The following CRB1 variants were observed in gnomAD, a reference collection of about 807,000 sequenced individuals.
CRB1 encodes protein crumbs homolog 1.
A neutral mutation model predicts 120.0 loss-of-function variants in CRB1; 83 were observed. That is an observed-to-expected ratio of 0.69 (90% confidence interval 0.58 to 0.83). The LOEUF (loss-of-function observed/expected upper bound fraction) is 0.83. CRB1 is among the 40% of genes least tolerant of loss of function. CRB1 has a pLI of 0.00. For missense variants in CRB1, 1,699 were observed against 1,687.6 expected (o/e 1.01, Z -0.12); for synonymous variants, 625 against 612.5 (o/e 1.02, Z -0.30).
chr1:197,421,580 C>A lies in CRB1; in HGVS notation c.1752C>A (p.Asp584Glu). ...AGGCTGTGACCCTTACCTTAATCGA[C>A]GACTCCTGTAAGGAGAAATGCATCG... ...FAEAVTLTLI[D>E]DSCKEKCIAK... Residue 584 changes from aspartate to glutamate, a missense_variant, in exon 6 of 12, where the codon GAC becomes GAA. Physicochemically the swap from Asp to Glu is conservative, Grantham distance 45. Coordinates refer to ENST00000367400, the MANE Select transcript of CRB1 (RefSeq NM_201253.3). 6.2e-7 allele frequency: 1 copy of A among 1,614,174 alleles called. No individual in the cohort carries two copies. Among genetic ancestry groups the A allele is most frequent in the Non-Finnish European group, 8.5e-7 (1 of 1,180,034 alleles).
chr1:197,351,713 G>A (rs1363178727), intron 4 of CRB1, among the ~76,000 whole-genome samples: 1 of 152,154 alleles, frequency 6.6e-6, no homozygotes, highest in Non-Finnish European at 1.5e-5. Flanking sequence ...GACAACAGTG[G>A]TTAAGGTTGG....
chr1:197,262,681 C>G, the CRB1 span, among the ~76,000 whole-genome samples: 52,884 of 151,880 alleles, frequency 0.35, 11,588 homozygotes, highest in East Asian at 0.76. Flanking sequence ...CCCTTCACCC[C>G]CTTCTTCTTA....
intron 5 of CRB1, among the ~76,000 whole-genome samples, chr1:197,399,683 T>G (rs1005902072): frequency 6.6e-6 from 1 of 152,156 alleles, no homozygotes; most frequent in Non-Finnish European, 1.5e-5. Context: ...TGCTTCAGAG[T>G]CTCTCACATG....
At position 197,429,617 on chromosome 1, in the gene CRB1, A is replaced by G; in HGVS notation, c.2842+3A>G. ...GCCGGTGCTTCAAGGATTTGAATGT[A>G]GGTAGAGTTCAAACCTACCATCTCA... On this transcript the variant is annotated splice_donor_region_variant and intron_variant, in intron 8 of 11. Coordinates refer to ENST00000367400, the MANE Select transcript of CRB1 (RefSeq NM_201253.3). 6.2e-7 allele frequency: 1 copy of G among 1,613,820 alleles called. No homozygotes were observed. Among genetic ancestry groups the G allele is most frequent in the Non-Finnish European group, 8.5e-7 (1 of 1,179,810 alleles).
the CRB1 span, among the ~76,000 whole-genome samples, chr1:197,201,510 C>T: frequency 6.6e-6 from 1 of 152,198 alleles, no homozygotes; most frequent in Non-Finnish European, 1.5e-5. Flanking sequence ...CCCCGTACTC[C>T]CTCGGAGACC....
chr1:197,250,877 C>T, the CRB1 span, among the ~76,000 whole-genome samples: 1 of 151,938 alleles, frequency 6.6e-6, no homozygotes, highest in Non-Finnish European at 1.5e-5. Context: ...CCTTGTGTCT[C>T]CTGGAAGAGC....
intron 11 of CRB1, among the ~76,000 whole-genome samples, chr1:197,470,083 G>A (rs1423669529): frequency 2.6e-5 from 4 of 152,184 alleles, no homozygotes; most frequent in Non-Finnish European, 5.9e-5. Context: ...TGTTGATAAA[G>A]TCAATAGCTC....
At chr1:197,448,688 G>C (rs1460293919) in intron 11 of CRB1, among the ~76,000 whole-genome samples, 1 of 152,094 alleles carries the variant, frequency 6.6e-6, no homozygotes, top group African/African-American at 2.4e-5. Flanking sequence ...ATCTTGTATA[G>C]ACTCTTCTAG....
chr1:197,279,976 C>G (rs934820607), intron 1 of CRB1, among the ~76,000 whole-genome samples: 9 of 151,598 alleles, frequency 5.9e-5, no homozygotes, highest in African/African-American at 2.2e-4. Context: ...TAATTGAAAC[C>G]TTGTGATGAA....
Position 197,445,735 on chromosome 1 carries a change from G to A in CRB1, c.4005+3443G>A, listed in dbSNP as rs79868186. Among the ~76,000 whole-genome samples the A allele has an allele frequency of 7.9e-3, 1,207 of 152,320 alleles. 11 individuals are homozygous for A. Among genetic ancestry groups the A allele is most frequent in the Non-Finnish European group, 0.013 (911 of 68,028 alleles). On this transcript the variant is annotated intron_variant, in intron 11 of 11. Transcript: ENST00000367400. ...GAAGAAATCTGTTTCTCAACTGCCA[G>A]TATTATTACTAATATAAACTATTTT...
intron 5 of CRB1, among the ~76,000 whole-genome samples, chr1:197,383,076 C>T (rs1253635361): frequency 1.3e-5 from 2 of 152,124 alleles, no homozygotes; most frequent in South Asian, 2.1e-4. Context: ...GACTTCTGTT[C>T]GAGAATCACT....
At chr1:197,370,933 G>A (rs1661337123) in intron 5 of CRB1, among the ~76,000 whole-genome samples, 1 of 152,110 alleles carries the variant, frequency 6.6e-6, no homozygotes, top group African/African-American at 2.4e-5. Flanking sequence ...TGACTGCCAT[G>A]CCACACACAC....
rs182008649 is a variant in CRB1, at chr1:197,445,145, A to G, written c.4005+2853A>G. 5.9e-5 allele frequency among the ~76,000 whole-genome samples: 9 copies of G among 152,292 alleles called. No individual in the cohort carries two copies. In the East Asian group the frequency reaches 1.7e-3, roughly 29 times the overall value. The stretch of plus-strand genomic sequence containing the variant: ...GCTAGCCATAGTTCAACCTGGTTCT[A>G]AAGAGGGGCTGTTTTACCTAAATGA... On this transcript the variant is annotated intron_variant, in intron 11 of 11. Coordinates refer to ENST00000367400, the MANE Select transcript of CRB1 (RefSeq NM_201253.3).
chr1:197,206,887 G>A, the CRB1 span, among the ~76,000 whole-genome samples: 1 of 152,176 alleles, frequency 6.6e-6, no homozygotes, highest in South Asian at 2.1e-4. Context: ...CTTAGGTCTA[G>A]TAGTAATTGT....
intron 3 of CRB1, among the ~76,000 whole-genome samples, chr1:197,345,164 T>C (rs1659694311): frequency 1.3e-5 from 2 of 152,214 alleles, no homozygotes; most frequent in South Asian, 4.1e-4. Context: ...TGAAGAACTT[T>C]CTAATCTTTA....
At chr1:197,453,245 A>G (rs993061250) in intron 11 of CRB1, among the ~76,000 whole-genome samples, 2 of 149,076 alleles carry the variant, frequency 1.3e-5, no homozygotes, top group African/African-American at 4.9e-5. Flanking sequence ...AGATGTCATT[A>G]AATAAGTATG....
At chr1:197,451,989 G>A (rs1037328630) in intron 11 of CRB1, among the ~76,000 whole-genome samples, 7 of 152,264 alleles carry the variant, frequency 4.6e-5, no homozygotes, top group Non-Finnish European at 1.0e-4. Flanking sequence ...CTCCATAATA[G>A]ATGCCTGATA....
At chr1:197,413,006 A>G (rs1301844518) in intron 5 of CRB1, among the ~76,000 whole-genome samples, 4 of 152,060 alleles carry the variant, frequency 2.6e-5, no homozygotes, top group African/African-American at 9.7e-5. Context: ...TGCCCCTCTC[A>G]GGTAACATTT....
At chr1:197,205,432 A>C in the CRB1 span, among the ~76,000 whole-genome samples, 2 of 152,126 alleles carry the variant, frequency 1.3e-5, no homozygotes, top group Admixed American at 1.3e-4. Flanking sequence ...TTCTATGCCG[A>C]TTTTGCTGAA....
Sources: allele counts gnomAD v4.1 joint callset (sites outside exome capture counted in the v4.1 genomes callset), GRCh38; gene constraint gnomAD v4.1.1; transcripts MANE v1.5; gene names NCBI Gene and HGNC (gene_info 2026-07-23, HGNC 2026-07-21).